Variants in VPS37B observed in about 807,000 individuals in gnomAD.
The protein encoded by VPS37B is VPS37B subunit of ESCRT-I.
Under a neutral mutation model 21.2 loss-of-function variants are expected in VPS37B, and 11 were observed. That is an observed-to-expected ratio of 0.52 (90% CI 0.33 to 0.86). The LOEUF is 0.86. Among genes scored for constraint, VPS37B ranks in the 40% least tolerant of loss-of-function variants. VPS37B has a pLI of 0.03. For synonymous variants in VPS37B, 175 were observed against 159.6 expected (o/e 1.10, Z -0.73); for missense variants, 389 against 374.8 (o/e 1.04, Z -0.31).
chr12:122,886,155 C>G (rs1456974103), intron 1 of VPS37B: 1 of 152,118 alleles, frequency 6.6e-6, no homozygotes, highest in Non-Finnish European at 1.5e-5. Flanking sequence ...TAGAGCAATA[C>G]TCTTGGGCTA....
At chr12:122,889,626 G>A (rs2034383629) in intron 1 of VPS37B, 1 of 152,084 alleles carries the variant, frequency 6.6e-6, no homozygotes. Flanking sequence ...GGAGGCTGAG[G>A]CAGGAGAATC....
At chr12:122,886,290 GC>G (rs776243903) in intron 1 of VPS37B, 1 of 152,166 alleles carries the variant, frequency 6.6e-6, no homozygotes, top group Non-Finnish European at 1.5e-5. Context: ...TGTGTAGGCT[GC>G]CCCTCTGGAG....
Position 122,868,452 on chromosome 12 carries a change from G to C in VPS37B, c.366+28C>G. On this transcript the variant is annotated intron_variant, in intron 3 of 3. Coordinates refer to ENST00000267202, the MANE Select transcript of VPS37B (RefSeq NM_024667.3). The surrounding 1 kb of genome is among the most constrained non-coding windows in gnomAD (Gnocchi z 5.5). ...CCACGGACTGCCCAAAGCGCCCCAA[G>C]GATTCCACCAAGGCTGGTGGGCTTT... The C allele has an allele frequency of 6.2e-7, 1 of 1,607,064 alleles. No individual in the cohort carries two copies. The highest frequency in any genetic ancestry group is 2.0e-4 in the Middle Eastern group (1 of 4,936).
chr12:122,885,133 A>G (rs1304340971), intron 1 of VPS37B: 3 of 152,156 alleles, frequency 2.0e-5, no homozygotes, highest in African/African-American at 7.2e-5. Flanking sequence ...AAAAGGGATT[A>G]GTCAAAAGAG....
chr12:122,865,653 T>G lies in VPS37B; in HGVS notation c.*1463A>C, dbSNP rs902427312. 2 of 152,310 alleles carry G rather than the reference T, an allele frequency of 1.3e-5. No individual in the cohort carries two copies. Among genetic ancestry groups the G allele is most frequent in the African/African-American group, 4.8e-5 (2 of 41,466 alleles). The allele number at this position is 152,310 out of a possible 1,614,324, so 9.4% of individuals were successfully genotyped here. A position where few individuals can be genotyped will look rare whatever the true frequency, so the allele number is the denominator to read the frequency against. ...TAGAGTTCAAGTCCGAGAGCAGGAATGTACGGTCACTGAGGACAAAAGGCA... is the reference window on the plus strand; with the variant it reads ...TAGAGTTCAAGTCCGAGAGCAGGAAGGTACGGTCACTGAGGACAAAAGGCA... On this transcript the variant is annotated 3_prime_UTR_variant, in exon 4 of 4. Coordinates refer to ENST00000267202, the MANE Select transcript of VPS37B (RefSeq NM_024667.3).
At chr12:122,880,109 A>G (rs1037894813) in intron 1 of VPS37B, 1 of 152,148 alleles carries the variant, frequency 6.6e-6, no homozygotes, top group Non-Finnish European at 1.5e-5. Context: ...AATTTTAACC[A>G]TAAGAATCTT....
intron 1 of VPS37B, chr12:122,879,870 G>A (rs560078574): frequency 6.6e-6 from 1 of 152,286 alleles, no homozygotes; most frequent in East Asian, 1.9e-4. Context: ...AGCACTTTGA[G>A]AGACCGAGGC....
chr12:122,891,248 T>C (rs973402912), intron 1 of VPS37B, among the ~76,000 whole-genome samples: 2 of 152,234 alleles, frequency 1.3e-5, no homozygotes, highest in African/African-American at 4.8e-5. Flanking sequence ...ACTAAATAAA[T>C]TGATCAAATT....
At chr12:122,893,445 G>A (rs1025458031) in intron 1 of VPS37B, among the ~76,000 whole-genome samples, 2 of 145,418 alleles carry the variant, frequency 1.4e-5, no homozygotes, top group South Asian at 2.3e-4. Flanking sequence ...TCTTTAACAC[G>A]CCATCACAAA....
At chr12:122,894,555 G>GAGGCTCAGCACTGTAGGCGTGGGA (rs1170185852) in intron 1 of VPS37B, among the ~76,000 whole-genome samples, 1 of 152,212 alleles carries the variant, frequency 6.6e-6, no homozygotes, top group Non-Finnish European at 1.5e-5. Context: ...TCCTGGGTGA[G>GAGGCTCAGCACTGTAGGCGTGGGA]AGGCTCAGCA....
chr12:122,895,374 T>A (rs4759388), intron 1 of VPS37B, among the ~76,000 whole-genome samples: 135,761 of 142,728 alleles, frequency 0.95, 64,603 homozygotes, highest in East Asian at 0.99. Flanking sequence ...GTCCCCCTGG[T>A]TGTCCCCAAC....
chr12:122,892,739 A>G (rs974027297), intron 1 of VPS37B, among the ~76,000 whole-genome samples: 1 of 152,176 alleles, frequency 6.6e-6, no homozygotes, highest in African/African-American at 2.4e-5. Context: ...GCAAGACCCC[A>G]TCTCTACAAA....
chr12:122,883,170 C>T (rs2034273550), intron 1 of VPS37B: 2 of 152,200 alleles, frequency 1.3e-5, no homozygotes, highest in South Asian at 4.1e-4. Context: ...GAACCTCTAA[C>T]TTCCAACTAT....
chr12:122,867,718 C>T lies in VPS37B; in HGVS notation c.367-111G>A. On this transcript the variant is annotated intron_variant, in intron 3 of 3. Transcript: ENST00000267202. This position sits in a 1 kb window ranked among gnomAD's most constrained non-coding sequence, Gnocchi z 5.5. ...CCAGCTGCTTCCAACACTGCCCCCT[C>T]CCTGTAACCACCCAGAGGGCCTCGC... The T allele has an allele frequency of 6.9e-7, 1 of 1,443,980 alleles. No individual in the cohort carries two copies. The highest frequency in any genetic ancestry group is 1.2e-5 in the South Asian group (1 of 85,064). The allele number at this position is 1,443,980 out of a possible 1,614,324, so 89.4% of individuals were successfully genotyped here.
chr12:122,890,227 CGT>C (rs977550772), intron 1 of VPS37B: 1 of 151,822 alleles, frequency 6.6e-6, no homozygotes, highest in African/African-American at 2.4e-5. Flanking sequence ...TTTGTGGGAA[CGT>C]AAGTTAAAAA....
At chr12:122,888,667 G>T (rs1224028557) in intron 1 of VPS37B, 2 of 449,962 alleles carry the variant, frequency 4.4e-6, no homozygotes, top group Non-Finnish European at 9.0e-6. Flanking sequence ...CTACTTCTGG[G>T]TTCCTCTTCC....
Position 122,893,924 on chromosome 12 carries a change from C to A in VPS37B, c.111+2028G>T, listed in dbSNP as rs568481493. Reference sequence around the variant, plus strand: ...AGGTAGAGGAAACAGGTGAGGTTGTCCCTAACAGCCTCCAAGTGAACAGAA... The same window carrying A: ...AGGTAGAGGAAACAGGTGAGGTTGTACCTAACAGCCTCCAAGTGAACAGAA... On this transcript the variant is annotated intron_variant, in intron 1 of 3. Transcript: ENST00000267202. Among the ~76,000 whole-genome samples, 16 of 151,934 alleles carry A rather than the reference C, an allele frequency of 1.1e-4. No homozygotes were observed. The South Asian group carries it at 3.3e-3, about 32-fold the overall frequency.
In VPS37B at chr12:122,896,115, G is replaced by A. The variant is rs2034492305; in HGVS notation, c.-53C>T. ...GCCGCTGCGGCCACCAGGCTCCGCCGACCGGAAGCGCCGCCCTCAAGGGCC... is the reference window on the plus strand; with the variant it reads ...GCCGCTGCGGCCACCAGGCTCCGCCAACCGGAAGCGCCGCCCTCAAGGGCC... On this transcript the variant is annotated 5_prime_UTR_variant, in exon 1 of 4. Coordinates refer to ENST00000267202, the MANE Select transcript of VPS37B (RefSeq NM_024667.3). The A allele has an allele frequency of 7.0e-7, 1 of 1,436,024 alleles. No homozygotes were observed. The highest frequency in any genetic ancestry group is 9.1e-7 in the Non-Finnish European group (1 of 1,094,634). The allele number at this position is 1,436,024 out of a possible 1,614,324, so 89.0% of individuals were successfully genotyped here. A position where few individuals can be genotyped will look rare whatever the true frequency, so the allele number is the denominator to read the frequency against.
At position 122,881,848 on chromosome 12, in the gene VPS37B, T is replaced by C. The variant is rs967590011; in HGVS notation, c.112-10787A>G. The C allele has an allele frequency of 8.5e-5, 13 of 152,330 alleles. 5 individuals are homozygous for C. The allele number at this position is 152,330 out of a possible 1,614,324, so 9.4% of individuals were successfully genotyped here. A position where few individuals can be genotyped will look rare whatever the true frequency, so the allele number is the denominator to read the frequency against. On this transcript the variant is annotated intron_variant, in intron 1 of 3. Coordinates refer to ENST00000267202, the MANE Select transcript of VPS37B (RefSeq NM_024667.3). ...AGAAGATACTTTCAAAAAGTAAAGG[T>C]AGAGAGATGAGTATGATGAAACTAT... is the stretch of plus-strand genomic sequence containing the variant.
Sources: gnomAD v4.1 joint callset for allele counts (sites outside exome capture counted in the v4.1 genomes callset) on GRCh38, gnomAD v4.1.1 for gene constraint, Gnocchi (gnomAD v3.1) non-coding constraint, MANE v1.5 for transcripts, NCBI Gene and HGNC (gene_info 2026-07-23, HGNC 2026-07-21) for gene names.